Variants in CEP350 observed in about 807,000 individuals in gnomAD.
CEP350 encodes the protein centrosome-associated protein 350.
Under a neutral mutation model 331.8 loss-of-function variants are expected in CEP350, and 126 were observed. The observed-to-expected ratio is 0.38, with a 90% CI of 0.33 to 0.44. The LOEUF (loss-of-function observed/expected upper bound fraction) is 0.44. Among genes scored for constraint, CEP350 ranks in the 20% least tolerant of loss-of-function variants. The pLI is 1.00. For missense variants in CEP350, 3,406 were observed against 3,634.6 expected, an observed-to-expected ratio of 0.94 and a Z score of 1.62; for synonymous variants, 1,200 against 1,259.5, an observed-to-expected ratio of 0.95 and a Z score of 1.00.
At chr1:180,072,523 A>G (rs1658958119) in intron 27 of CEP350, among the ~76,000 whole-genome samples, 2 of 152,186 alleles carry the variant, frequency 1.3e-5, no homozygotes, top group South Asian at 4.1e-4. Flanking sequence ...AAATAAGTTT[A>G]TTGTACGTTC....
intron 14 of CEP350, among the ~76,000 whole-genome samples, chr1:180,030,402 A>G (rs922982827): frequency 1.3e-5 from 2 of 150,216 alleles, no homozygotes; most frequent in Non-Finnish European, 3.0e-5. Context: ...TTGGGCCACT[A>G]TTAAAATTTA....
rs756202995 is a variant in CEP350 at position 180,093,073 on chromosome 1, A to G, written c.6968A>G (p.His2323Arg). 3.6e-5 allele frequency: 57 copies of G among 1,605,584 alleles called. No individual in the cohort carries two copies. Among genetic ancestry groups the G allele is most frequent in the Non-Finnish European group, 4.8e-5 (56 of 1,175,414 alleles). Residue 2323 changes from histidine to arginine, a missense_variant, in exon 34 of 38, where the codon CAT (histidine) becomes CGT (arginine). By Grantham distance (29) the His-to-Arg change is conservative. Coordinates refer to ENST00000367607, the MANE Select transcript of CEP350 (RefSeq NM_014810.5). ...GTTGGATTAGCTATTGAAAATCTCC[A>G]TAAAAGTGAGGAAATGTTGAAAGAG... ...DLVGLAIENL[H>R]KSEEMLKERQ...
chr1:179,967,920 A>G lies in CEP350; in HGVS notation c.-14+12778A>G, dbSNP rs533713108. On this transcript the variant is annotated intron_variant, in intron 1 of 37. Transcript: ENST00000367607. ...ATGAAATACCTGGCTTCATATGTGT[A>G]TTTGTGCCTTTTTGCATTTAAGAAT... Among the ~76,000 whole-genome samples the G allele has an allele frequency of 8.5e-5, 13 of 152,160 alleles. No homozygotes were observed. The South Asian group carries it at 2.7e-3, about 32-fold the overall frequency.
chr1:180,073,577 G>T (rs762215098), intron 27 of CEP350, among the ~76,000 whole-genome samples: 3 of 152,106 alleles, frequency 2.0e-5, no homozygotes, highest in Non-Finnish European at 1.5e-5. Flanking sequence ...GAGAAGAAAG[G>T]CATGTTTATT....
chr1:179,991,952 T>C, intron 4 of CEP350, 110 bp from the exon 5 acceptor site: 2 of 1,017,122 alleles, frequency 2.0e-6, no homozygotes, highest in Non-Finnish European at 2.7e-6. Context: ...TTATATAATA[T>C]CCAACTATTA....
chr1:180,067,672 A>G (rs1212121974), intron 27 of CEP350, among the ~76,000 whole-genome samples: 1 of 152,156 alleles, frequency 6.6e-6, no homozygotes, highest in African/African-American at 2.4e-5. Flanking sequence ...CTGGGCAACA[A>G]GAACAAAACT....
intron 1 of CEP350, among the ~76,000 whole-genome samples, chr1:179,973,905 T>C (rs1436661056): frequency 1.3e-5 from 2 of 152,164 alleles, no homozygotes; most frequent in African/African-American, 4.8e-5. Flanking sequence ...TATGAGTGGT[T>C]TTGCAGCCTG....
At chr1:180,013,825 A>G (rs1345764422) in intron 9 of CEP350, 22 bp from the exon 10 acceptor site, 2 of 1,575,792 alleles carry the variant, frequency 1.3e-6, no homozygotes, top group African/African-American at 2.7e-5. Context: ...TCGGTATATC[A>G]CTAACAGTTC....
chr1:179,965,621 T>C (rs1185901938), intron 1 of CEP350, among the ~76,000 whole-genome samples: 4 of 141,156 alleles, frequency 2.8e-5, no homozygotes, highest in African/African-American at 5.2e-5. Context: ...TTTTCTTTTT[T>C]TTTTTTTTTT....
chr1:180,054,367 A>G, intron 24 of CEP350, 48 bp from the exon 25 acceptor site: 1 of 1,399,426 alleles, frequency 7.1e-7, no homozygotes, highest in East Asian at 2.5e-5. Context: ...TATTCAGGTA[A>G]GAGAAATTTA....
chr1:180,077,983 A>G (rs1048876978), intron 28 of CEP350, among the ~76,000 whole-genome samples: 1 of 152,088 alleles, frequency 6.6e-6, no homozygotes, highest in African/African-American at 2.4e-5. Context: ...AAAGACAAAA[A>G]TTAGCTGGGT....
chr1:180,072,515 A>G (rs1658957450), intron 27 of CEP350, among the ~76,000 whole-genome samples: 1 of 152,196 alleles, frequency 6.6e-6, no homozygotes, highest in East Asian at 1.9e-4. Flanking sequence ...TGGCATCAAA[A>G]TAAGTTTATT....
At position 180,021,876 on chromosome 1, in the gene CEP350, C is replaced by T. The variant is rs779942849; in HGVS notation, c.3236-822C>T. Among the ~76,000 whole-genome samples, 11 of 152,194 alleles carry T rather than the reference C, an allele frequency of 7.2e-5. No homozygotes were observed. In the South Asian group the frequency reaches 1.0e-3, roughly 14 times the overall value. On this transcript the variant is annotated intron_variant, in intron 12 of 37. Transcript: ENST00000367607. Reference sequence around the variant, plus strand: ...CCTAAAACAGTAACTTCTAAAGTTCCCTTCTTATACCTGAAATCCTGCAAC... The same window carrying T: ...CCTAAAACAGTAACTTCTAAAGTTCTCTTCTTATACCTGAAATCCTGCAAC...
In CEP350 at chr1:180,103,747, C is replaced by A. The variant is rs532409618; in HGVS notation, c.9189+4762C>A. Among the ~76,000 whole-genome samples the A allele has an allele frequency of 5.9e-5, 9 of 152,080 alleles. 1 individual carries two copies. In the South Asian group the frequency reaches 1.7e-3, roughly 28 times the overall value. On this transcript the variant is annotated intron_variant, in intron 37 of 37. Coordinates refer to ENST00000367607, the MANE Select transcript of CEP350 (RefSeq NM_014810.5). Reference sequence around the variant, plus strand: ...GATGCTTCTTCCAGCTTTCCCAATTCTCTATGGAACTTCTTTAGACATCTT... The same window carrying A: ...GATGCTTCTTCCAGCTTTCCCAATTATCTATGGAACTTCTTTAGACATCTT...
intron 1 of CEP350, chr1:179,968,605 A>G (rs891022891): frequency 7.7e-5 from 27 of 352,170 alleles, no homozygotes; most frequent in African/African-American, 1.7e-4. Flanking sequence ...TTTCCACGCT[A>G]CCCAGAGAGG....
At chr1:180,010,149 C>T (rs1305389130) in intron 8 of CEP350, among the ~76,000 whole-genome samples, 1 of 151,910 alleles carries the variant, frequency 6.6e-6, no homozygotes, top group South Asian at 2.1e-4. Context: ...TGCATCTTTT[C>T]ACAGGAACAT....
intron 9 of CEP350, among the ~76,000 whole-genome samples, chr1:180,012,875 A>C (rs1654749044): frequency 6.6e-6 from 1 of 152,190 alleles, no homozygotes; most frequent in Non-Finnish European, 1.5e-5. Context: ...TTTGATGATA[A>C]AATTATTTTT....
At chr1:179,957,115 A>G (rs894112965) in intron 1 of CEP350, among the ~76,000 whole-genome samples, 1 of 152,118 alleles carries the variant, frequency 6.6e-6, no homozygotes, top group Non-Finnish European at 1.5e-5. Context: ...CAAGATTATT[A>G]AAGTGTAGTT....
chr1:179,959,131 G>A (rs1356164815), intron 1 of CEP350, among the ~76,000 whole-genome samples: 1 of 152,208 alleles, frequency 6.6e-6, no homozygotes, highest in Admixed American at 6.5e-5. Flanking sequence ...TCAACAGAGT[G>A]TCTCATAATT....
Sources: allele counts gnomAD v4.1 joint callset (sites outside exome capture counted in the v4.1 genomes callset), GRCh38; gene constraint gnomAD v4.1.1; transcripts MANE v1.5; gene names NCBI Gene and HGNC (gene_info 2026-07-23, HGNC 2026-07-21).